The following AP4E1 variants were observed in gnomAD, a reference collection of about 807,000 sequenced individuals.
The protein encoded by AP4E1 is AP-4 complex subunit epsilon-1.
AP4E1 carries 56 observed loss-of-function variants against 128.2 expected under a neutral mutation model. That is an observed-to-expected ratio of 0.44 (90% CI 0.35 to 0.55). The LOEUF is 0.55. AP4E1 is among the 20% of genes least tolerant of loss of function. AP4E1 has a pLI of 0.00. For missense variants in AP4E1, 1,324 were observed against 1,307.7 expected (o/e 1.01, Z -0.19); for synonymous variants, 484 against 473.1 (o/e 1.02, Z -0.30).
At chr15:50,959,977 A>C (rs1432618445) in intron 14 of AP4E1, among the ~76,000 whole-genome samples, 2 of 151,566 alleles carry the variant, frequency 1.3e-5, no homozygotes, top group Non-Finnish European at 2.9e-5. Flanking sequence ...AAGAGTAGCT[A>C]ATGTTATATC....
intron 3 of AP4E1, among the ~76,000 whole-genome samples, chr15:50,920,110 C>CTTTTTT (rs34342608): frequency 2.0e-5 from 1 of 50,116 alleles, no homozygotes; most frequent in Non-Finnish European, 3.9e-5. Flanking sequence ...AAATTTATGC[C>CTTTTTT]TTTTTTTTTT....
At chr15:50,948,339 C>CTTTTTT (rs66467957) in intron 11 of AP4E1, among the ~76,000 whole-genome samples, 180 bp downstream of exon 11, 5 of 122,054 alleles carry the variant, frequency 4.1e-5, no homozygotes, top group African/African-American at 3.0e-5. Context: ...TAGGAGATGG[C>CTTTTTT]TTTTTTTTTT....
At chr15:50,969,868 C>T (rs1234580920) in intron 15 of AP4E1, among the ~76,000 whole-genome samples, 3 of 152,012 alleles carry the variant, frequency 2.0e-5, no homozygotes, top group African/African-American at 7.3e-5. Flanking sequence ...ACCATGTTAG[C>T]CAGGATGGTC....
intron 10 of AP4E1, among the ~76,000 whole-genome samples, chr15:50,943,260 C>T (rs192625435): frequency 6.6e-6 from 1 of 152,140 alleles, no homozygotes; most frequent in East Asian, 1.9e-4. Flanking sequence ...CTACTAAATA[C>T]TAAACATCTA....
At chr15:50,978,337 A>T (rs915711646) in intron 15 of AP4E1, among the ~76,000 whole-genome samples, 1 of 152,188 alleles carries the variant, frequency 6.6e-6, no homozygotes, top group African/African-American at 2.4e-5. Flanking sequence ...AGCCATGTCA[A>T]GGTAAGGTTG....
intron 8 of AP4E1, among the ~76,000 whole-genome samples, chr15:50,938,403 G>A (rs2063937657): frequency 6.6e-6 from 1 of 152,072 alleles, no homozygotes; most frequent in Admixed American, 6.5e-5. Context: ...TCCAGCAAAG[G>A]CTGAGGAAAA....
chr15:50,934,057 T>C (rs2063872942), intron 7 of AP4E1, among the ~76,000 whole-genome samples: 1 of 152,014 alleles, frequency 6.6e-6, no homozygotes, highest in East Asian at 1.9e-4. Context: ...ATCTTCCTCA[T>C]CACAGTTATT....
intron 16 of AP4E1, among the ~76,000 whole-genome samples, chr15:50,989,870 T>G (rs1285417979): frequency 6.6e-6 from 1 of 152,176 alleles, no homozygotes; most frequent in African/African-American, 2.4e-5. Flanking sequence ...AGATAAGGGA[T>G]GAATTTAAAA....
rs1014814871 is a variant in AP4E1, at chr15:50,930,748, G to T, written c.703-57G>T. On this transcript the variant is annotated intron_variant, in intron 6 of 20. Transcript: ENST00000261842. ...AGGTTCTATATGACATTTCAATTAG[G>T]TCTATTTCTATTTAATAAGACGTTA... is the stretch of plus-strand genomic sequence containing the variant. 2.6e-6 allele frequency: 4 copies of T among 1,535,774 alleles called. No homozygotes were observed. In the South Asian group the frequency reaches 3.4e-5, roughly 13 times the overall value.
In AP4E1 at chr15:51,001,057, A is replaced by G. The variant is rs1423951840; in HGVS notation, c.3127A>G (p.Lys1043Glu). 6.2e-7 allele frequency: 1 copy of G among 1,613,246 alleles called. No individual in the cohort carries two copies. Among genetic ancestry groups the G allele is most frequent in the South Asian group, 1.1e-5 (1 of 90,982 alleles). The part of the protein sequence containing the change: ...PLKISSDDFG[K>E]LWLSFANDVK... ...AAAAATCTCAAGTGACGACTTTGGG[A>G]AACTCTGGTTATCCTTCGCAAATGA... is the stretch of plus-strand genomic sequence containing the variant. The change falls in exon 20 of 21, where the codon AAA becomes GAA. Residue 1043 changes from lysine (K) to glutamate (E), a missense_variant. Transcript: ENST00000261842.
intron 16 of AP4E1, 113 bp from the exon 17 acceptor site, chr15:50,993,257 T>C: frequency 9.1e-7 from 1 of 1,094,658 alleles, no homozygotes; most frequent in Non-Finnish European, 1.4e-6. Context: ...GAATATAATG[T>C]GACAGTTGTT....
chr15:50,985,224 A>G (rs1174313130), intron 16 of AP4E1, among the ~76,000 whole-genome samples: 2 of 151,982 alleles, frequency 1.3e-5, no homozygotes, highest in Non-Finnish European at 2.9e-5. Flanking sequence ...TTGTCAGATG[A>G]GTAGATTGCA....
At chr15:51,001,252 C>T in intron 20 of AP4E1, 69 bp downstream of exon 20, 1 of 1,421,110 alleles carries the variant, frequency 7.0e-7, no homozygotes, top group Non-Finnish European at 9.8e-7. Context: ...CACAAATCAA[C>T]TCTTACAAGT....
intron 5 of AP4E1, among the ~76,000 whole-genome samples, chr15:50,928,269 G>A (rs779412882): frequency 1.3e-5 from 2 of 152,008 alleles, no homozygotes; most frequent in African/African-American, 2.4e-5. Context: ...GGGTGAGAAT[G>A]TTAACGAGTT....
intron 13 of AP4E1, among the ~76,000 whole-genome samples, chr15:50,957,667 G>GTTTT (rs2064245148): frequency 1.7e-5 from 2 of 119,758 alleles, no homozygotes; most frequent in African/African-American, 7.2e-5. Context: ...ATAGACAAGC[G>GTTTT]TTTCTTTTTT....
intron 16 of AP4E1, among the ~76,000 whole-genome samples, chr15:50,988,747 C>T (rs1164844546): frequency 2.6e-5 from 4 of 152,074 alleles, no homozygotes; most frequent in Non-Finnish European, 4.4e-5. Context: ...TGCTTTCACA[C>T]CGTTGTAAAG....
rs28491222 is a variant in AP4E1, at chr15:50,920,076, A to T, written c.347-3855A>T. Reference sequence around the variant, plus strand: ...TAGGCAACACAGCGATAATATGTCTAAAAAAAAAAAAAAAAAAAAGATAAA... The same window carrying T: ...TAGGCAACACAGCGATAATATGTCTTAAAAAAAAAAAAAAAAAAAGATAAA... On this transcript the variant is annotated intron_variant, in intron 3 of 20. Transcript: ENST00000261842. Among the ~76,000 whole-genome samples, 6 of 82,788 alleles carry T rather than the reference A, an allele frequency of 7.2e-5. 1 individual carries two copies. The highest frequency in any genetic ancestry group is 2.1e-4 in the African/African-American group (5 of 24,162). 54.3% of individuals were successfully genotyped at this position (82,788 alleles called of 152,430 possible).
chr15:50,992,095 A>G (rs2064813866), intron 16 of AP4E1, among the ~76,000 whole-genome samples: 1 of 152,012 alleles, frequency 6.6e-6, no homozygotes, highest in Non-Finnish European at 1.5e-5. Flanking sequence ...CAATAAATAT[A>G]TTGGAAAAAG....
chr15:50,931,569 AAATAAT>A (rs2063836902), intron 7 of AP4E1, among the ~76,000 whole-genome samples: 1 of 152,072 alleles, frequency 6.6e-6, no homozygotes, highest in Non-Finnish European at 1.5e-5. Context: ...CTGTCTCAAA[AAATAAT>A]AATAATAAAT....
Sources: allele counts gnomAD v4.1 joint callset (sites outside exome capture counted in the v4.1 genomes callset), GRCh38; gene constraint gnomAD v4.1.1; transcripts MANE v1.5; gene names NCBI Gene and HGNC (gene_info 2026-07-23, HGNC 2026-07-21).